ABCA10: variants seen among roughly 807,000 people sequenced by gnomAD.
ABCA10 encodes the protein ATP binding cassette subfamily A member 10.
Under a neutral mutation model 187.5 loss-of-function variants are expected in ABCA10, and 169 were observed. The ratio of observed to expected loss-of-function variants is 0.90; its 90% CI spans 0.80 to 1.02. ABCA10 has a LOEUF of 1.02. Among genes scored for constraint, ABCA10 ranks in the 50% least tolerant of loss-of-function variants. ABCA10 has a pLI of 0.00. For missense variants in ABCA10, 1,727 were observed against 1,812.4 expected (o/e 0.95, Z 0.86); for synonymous variants, 574 against 601.8 (o/e 0.95, Z 0.68).
At chr17:69,164,022 G>T in intron 27 of ABCA10, 52 bp downstream of exon 27, 2 of 1,359,902 alleles carry the variant, frequency 1.5e-6, no homozygotes, top group Non-Finnish European at 2.0e-6. Flanking sequence ...AAGATTTCAC[G>T]GGGCTATGAA....
intron 26 of ABCA10, among the ~76,000 whole-genome samples, chr17:69,164,663 T>C (rs764251887): frequency 7.9e-5 from 12 of 152,160 alleles, no homozygotes; most frequent in Admixed American, 1.3e-4. Flanking sequence ...CAAGAGAGCA[T>C]GTTTTATAAC....
chr17:69,166,385 G>A (rs891343408), intron 25 of ABCA10, among the ~76,000 whole-genome samples: 3 of 152,050 alleles, frequency 2.0e-5, no homozygotes, highest in Non-Finnish European at 4.4e-5. Flanking sequence ...ATAGATTGGG[G>A]TCTGCAGTTG....
intron 9 of ABCA10, among the ~76,000 whole-genome samples, chr17:69,211,323 A>G (rs1379226736): frequency 0.087 from 930 of 10,722 alleles, 28 homozygotes; most frequent in African/African-American, 0.27. Flanking sequence ...TGATATATAT[A>G]TATATATATA....
intron 17 of ABCA10, among the ~76,000 whole-genome samples, chr17:69,190,954 A>G (rs2074455098): frequency 6.6e-6 from 1 of 152,156 alleles, no homozygotes; most frequent in South Asian, 2.1e-4. Flanking sequence ...TTTAATTTTG[A>G]CAAAGAGTGC....
intron 17 of ABCA10, 44 bp from the exon 18 acceptor site, chr17:69,190,521 A>G (rs2074452295): frequency 6.7e-7 from 1 of 1,493,138 alleles, no homozygotes; most frequent in Non-Finnish European, 8.9e-7. Context: ...AAAATTATCA[A>G]TGAGTATATT....
intron 28 of ABCA10, 134 bp from the exon 29 acceptor site, chr17:69,156,059 T>A: frequency 9.2e-7 from 1 of 1,092,164 alleles, no homozygotes; most frequent in South Asian, 1.9e-5. Flanking sequence ...CCTACAAGAT[T>A]CTTCTTGGCA....
chr17:69,174,798 T>C (rs1761125451), intron 23 of ABCA10, 21 bp from the exon 24 acceptor site: 1 of 1,535,744 alleles, frequency 6.5e-7, no homozygotes, highest in Non-Finnish European at 8.7e-7. Flanking sequence ...ATAGAAGGGA[T>C]AGAGGAAGGG....
At chr17:69,240,955 CCT>C (rs1359308290) in intron 1 of ABCA10, among the ~76,000 whole-genome samples, 5 of 152,190 alleles carry the variant, frequency 3.3e-5, no homozygotes, top group African/African-American at 1.2e-4. Context: ...ATCAATACCC[CCT>C]GACTCTCAGC....
At chr17:69,169,075 A>G (rs892015277) in intron 25 of ABCA10, among the ~76,000 whole-genome samples, 2 of 152,216 alleles carry the variant, frequency 1.3e-5, no homozygotes, top group Non-Finnish European at 2.9e-5. Context: ...CAGCACTATA[A>G]TAGTTTATGC....
chr17:69,156,028 T>A lies in ABCA10; in HGVS notation c.3456-103A>T, dbSNP rs116137161. 2,416 of 1,287,920 alleles carry A rather than the reference T, an allele frequency of 1.9e-3. 27 individuals carry two copies. In the African/African-American group the frequency reaches 0.031, roughly 17 times the overall value. The allele number at this position is 1,287,920 out of a possible 1,614,324, so 79.8% of individuals were successfully genotyped here. A position where few individuals can be genotyped will look rare whatever the true frequency, so the allele number is the denominator to read the frequency against. The stretch of plus-strand genomic sequence containing the variant: ...AATTATTATCCTTTTTAAAAAAGAC[T>A]ATCACATCATTAATTTATTACCTAC... On this transcript the variant is annotated intron_variant, in intron 28 of 38. Coordinates refer to ENST00000690296, the MANE Select transcript of ABCA10 (RefSeq NM_001377321.1).
chr17:69,161,720 G>C (rs1197990225), intron 27 of ABCA10, among the ~76,000 whole-genome samples: 3 of 152,154 alleles, frequency 2.0e-5, no homozygotes, highest in Non-Finnish European at 4.4e-5. Flanking sequence ...ACATTCATTT[G>C]AAAATAGGTA....
At chr17:69,184,916 T>TAC (rs142309537) in intron 20 of ABCA10, among the ~76,000 whole-genome samples, 19,232 of 141,428 alleles carry the variant, frequency 0.14, 1,347 homozygotes, top group Middle Eastern at 0.17. Context: ...ACTTTTTAAA[T>TAC]ACACACACAC....
chr17:69,176,564 T>G (rs1185641719), intron 22 of ABCA10, among the ~76,000 whole-genome samples: 1 of 152,024 alleles, frequency 6.6e-6, no homozygotes, highest in Non-Finnish European at 1.5e-5. Flanking sequence ...GCTAAATAAA[T>G]GCACAATCAT....
At chr17:69,173,818 TTTC>T (rs1447878401) in intron 25 of ABCA10, among the ~76,000 whole-genome samples, 2 of 152,096 alleles carry the variant, frequency 1.3e-5, no homozygotes, top group South Asian at 2.1e-4. Flanking sequence ...AAGAAAACAG[TTTC>T]TTATTTATTT....
At chr17:69,222,120 C>T (rs1049650047) in intron 4 of ABCA10, among the ~76,000 whole-genome samples, 13 of 151,956 alleles carry the variant, frequency 8.6e-5, no homozygotes, top group African/African-American at 2.2e-4. Context: ...TTTGGGAGGC[C>T]GAGGCGGGTG....
intron 27 of ABCA10, among the ~76,000 whole-genome samples, chr17:69,160,624 A>C (rs192209944): frequency 4.1e-4 from 62 of 152,296 alleles, no homozygotes; most frequent in African/African-American, 1.3e-3. Flanking sequence ...AACAAACAAA[A>C]AAACCAAATA....
At position 69,210,484 on chromosome 17, in the gene ABCA10, C is replaced by T. The variant is rs192877066; in HGVS notation, c.1006+4220G>A. Among the ~76,000 whole-genome samples, 728 of 152,030 alleles carry T rather than the reference C, an allele frequency of 4.8e-3. 6 individuals carry two copies. Among genetic ancestry groups the T allele is most frequent in the African/African-American group, 0.015 (641 of 41,470 alleles). On this transcript the variant is annotated intron_variant, in intron 9 of 38. Coordinates refer to ENST00000690296, the MANE Select transcript of ABCA10 (RefSeq NM_001377321.1). ...GATTACAGGCGTGAGCCACCGCGCC[C>T]GGCCTTTAGTGGTTATTTCTGAGAT...
At chr17:69,173,174 G>C (rs1039438196) in intron 25 of ABCA10, among the ~76,000 whole-genome samples, 1 of 152,200 alleles carries the variant, frequency 6.6e-6, no homozygotes, top group African/African-American at 2.4e-5. Flanking sequence ...CGATGGTTAA[G>C]AAGACATTAC....
intron 27 of ABCA10, among the ~76,000 whole-genome samples, chr17:69,158,558 T>TATAAA (rs2074192150): frequency 6.6e-6 from 1 of 151,904 alleles, no homozygotes; most frequent in South Asian, 2.1e-4. Flanking sequence ...TACTAAAGTA[T>TATAAA]ATAAAATAAA....
Sources: allele counts gnomAD v4.1 joint callset (sites outside exome capture counted in the v4.1 genomes callset), GRCh38; gene constraint gnomAD v4.1.1; transcripts MANE v1.5; gene names NCBI Gene and HGNC (gene_info 2026-07-23, HGNC 2026-07-21).